The following ZBTB20 variants were observed in gnomAD, a reference collection of about 807,000 sequenced individuals.
The protein encoded by ZBTB20 is zinc finger and BTB domain containing 20.
In ZBTB20, 9 loss-of-function variants were observed where a neutral mutation model predicts 56.9. The observed-to-expected ratio is 0.16, with a 90% CI of 0.10 to 0.28. The LOEUF (loss-of-function observed/expected upper bound fraction) is 0.28. ZBTB20 is among the 10% of genes least tolerant of loss of function. ZBTB20 has a pLI of 1.00. For synonymous variants in ZBTB20, 417 were observed against 420.7 expected, an observed-to-expected ratio of 0.99 and a Z score of 0.11; for missense variants, 655 against 1,003.0, an observed-to-expected ratio of 0.65 and a Z score of 4.69.
chr3:114,947,838 T>C (rs2076934719), intron 3 of ZBTB20, among the ~76,000 whole-genome samples: 1 of 145,720 alleles, frequency 6.9e-6, no homozygotes, highest in South Asian at 2.1e-4. Context: ...TCCACAAAAC[T>C]TTCTGACTCA....
chr3:114,833,897 G>A (rs2073986217), intron 4 of ZBTB20, among the ~76,000 whole-genome samples: 1 of 151,904 alleles, frequency 6.6e-6, no homozygotes, highest in South Asian at 2.1e-4. Flanking sequence ...GCAAGGAAAG[G>A]TTAAAATAAG....
rs2067181845 is a variant in ZBTB20 at position 114,747,939 on chromosome 3, A to AAAC, written c.-343+53161_-343+53162insGTT. Among the ~76,000 whole-genome samples the AAAC allele has an allele frequency of 1.9e-3, 4 of 2,140 alleles. 1 individual carries two copies. The highest frequency in any genetic ancestry group is 1.9e-3 in the African/African-American group (4 of 2,106). 1.4% of individuals were successfully genotyped at this position (2,140 alleles called of 152,430 possible). The stretch of plus-strand genomic sequence containing the variant: ...CTCAAAAAAAAAAAAAAAAAAAAAA[A>AAAC]AAAAAAAAAAACCAAGATTGAGAGC... On this transcript the variant is annotated intron_variant, in intron 5 of 11. Transcript: ENST00000675478.
chr3:114,777,718 C>T (rs2069713170), intron 5 of ZBTB20, among the ~76,000 whole-genome samples: 1 of 152,062 alleles, frequency 6.6e-6, no homozygotes. Context: ...CTAGAAATAC[C>T]ATTTGACTCA....
intron 6 of ZBTB20, among the ~76,000 whole-genome samples, chr3:114,544,900 G>A (rs1434826263): frequency 6.6e-6 from 1 of 152,150 alleles, no homozygotes; most frequent in Non-Finnish European, 1.5e-5. Context: ...CCAAAACATG[G>A]AAGATAGTAT....
chr3:114,994,527 A>G (rs1306735344), intron 2 of ZBTB20, among the ~76,000 whole-genome samples: 2 of 152,010 alleles, frequency 1.3e-5, no homozygotes, highest in Non-Finnish European at 2.9e-5. Context: ...TTTAGTACTT[A>G]GGTCTAAACA....
chr3:114,618,306 G>A (rs1440344253), intron 6 of ZBTB20, among the ~76,000 whole-genome samples: 2 of 140,242 alleles, frequency 1.4e-5, no homozygotes, highest in Non-Finnish European at 3.0e-5. Context: ...TTGGAGTATA[G>A]TGGTGCAATC....
At chr3:114,998,899 T>C (rs1480366244) in intron 2 of ZBTB20, among the ~76,000 whole-genome samples, 2 of 151,382 alleles carry the variant, frequency 1.3e-5, no homozygotes, top group African/African-American at 2.4e-5. Flanking sequence ...GTGGCTGTAA[T>C]TGATCCATAT....
intron 7 of ZBTB20, among the ~76,000 whole-genome samples, chr3:114,410,083 C>A (rs1257668774): frequency 2.0e-5 from 3 of 151,982 alleles, no homozygotes; most frequent in Non-Finnish European, 4.4e-5. Flanking sequence ...CAGAGAGAGA[C>A]CCAACATCCA....
intron 7 of ZBTB20, among the ~76,000 whole-genome samples, chr3:114,399,050 G>A (rs2086584277): frequency 6.6e-6 from 1 of 152,162 alleles, no homozygotes; most frequent in Admixed American, 6.6e-5. Context: ...TAGATGTTAA[G>A]GGGCCCTGAG....
intron 6 of ZBTB20, among the ~76,000 whole-genome samples, chr3:114,627,119 C>G (rs2058697012): frequency 6.6e-6 from 1 of 152,172 alleles, no homozygotes; most frequent in Non-Finnish European, 1.5e-5. Context: ...CTACTCCTAC[C>G]CACTCCTAAG....
At chr3:114,980,337 C>T (rs2078276643) in intron 2 of ZBTB20, among the ~76,000 whole-genome samples, 1 of 151,124 alleles carries the variant, frequency 6.6e-6, no homozygotes, top group South Asian at 2.1e-4. Context: ...TTACTTAATC[C>T]CCTTCAACTA....
At chr3:115,012,660 C>T in intron 2 of ZBTB20, among the ~76,000 whole-genome samples, 1 of 151,746 alleles carries the variant, frequency 6.6e-6, no homozygotes. Flanking sequence ...GACAGATCTT[C>T]CAGACAGAAA....
intron 10 of ZBTB20, among the ~76,000 whole-genome samples, chr3:114,377,830 T>C (rs985813087): frequency 6.6e-6 from 1 of 152,186 alleles, no homozygotes; most frequent in African/African-American, 2.4e-5. Flanking sequence ...GGAAGGATCA[T>C]ACTGACAGGA....
In ZBTB20 at chr3:114,949,656, T is replaced by A. The variant is rs2076995788; in HGVS notation, c.-456+24710A>T. Among the ~76,000 whole-genome samples, 2 of 144,790 alleles carry A rather than the reference T, an allele frequency of 1.4e-5. 1 individual carries two copies. The highest frequency in any genetic ancestry group is 5.8e-5 in the African/African-American group (2 of 34,752). 95.0% of individuals were successfully genotyped at this position (144,790 alleles called of 152,430 possible). On this transcript the variant is annotated intron_variant, in intron 3 of 11. Transcript: ENST00000675478. ...GGTGGCATAAGCCTGTAATCCCAGC[T>A]ACTTGGGAAGCTGAGGCAGGAGAAT...
chr3:114,337,890 C>T lies in ZBTB20; in HGVS notation c.*1115G>A, dbSNP rs1379818162. 6.6e-6 allele frequency: 1 copy of T among 150,892 alleles called. No homozygotes were observed. Among genetic ancestry groups the T allele is most frequent in the African/African-American group, 2.4e-5 (1 of 41,128 alleles). 9.3% of individuals were successfully genotyped at this position (150,892 alleles called of 1,614,324 possible). On this transcript the variant is annotated 3_prime_UTR_variant, in exon 12 of 12. Transcript: ENST00000675478. ...TGCAAAACCAAAATGAAAAAAATTA[C>T]TTTTAACAATTTCACTTTTTTTGTT...
chr3:114,685,235 G>A (rs534516212), intron 6 of ZBTB20, among the ~76,000 whole-genome samples: 1 of 152,286 alleles, frequency 6.6e-6, no homozygotes, highest in African/African-American at 2.4e-5. Flanking sequence ...TGGTGAATTG[G>A]TGATTGAGGT....
intron 7 of ZBTB20, among the ~76,000 whole-genome samples, chr3:114,497,112 C>A (rs998819949): frequency 6.6e-6 from 1 of 152,196 alleles, no homozygotes; most frequent in African/African-American, 2.4e-5. Flanking sequence ...CCAAGATATG[C>A]TGGAATTACA....
At chr3:115,117,882 C>CA (rs1322655313) in intron 1 of ZBTB20, among the ~76,000 whole-genome samples, 11 of 152,232 alleles carry the variant, frequency 7.2e-5, no homozygotes, top group African/African-American at 2.6e-4. Flanking sequence ...TCATCTTACT[C>CA]TTAATTATTC....
intron 5 of ZBTB20, among the ~76,000 whole-genome samples, chr3:114,760,622 T>C (rs71321424): frequency 0.062 from 9,395 of 152,244 alleles, 410 homozygotes; most frequent in Non-Finnish European, 0.095. Flanking sequence ...AATAAACTTA[T>C]TAAGAAACAA....
Sources: allele counts gnomAD v4.1 joint callset (sites outside exome capture counted in the v4.1 genomes callset), GRCh38; gene constraint gnomAD v4.1.1; transcripts MANE v1.5; gene names NCBI Gene and HGNC (gene_info 2026-07-23, HGNC 2026-07-21).